Variants in PALS2 observed in about 807,000 individuals in gnomAD.
PALS2 encodes protein PALS2.
PALS2 carries 27 observed loss-of-function variants against 61.6 expected under a neutral mutation model. That is an observed-to-expected ratio of 0.44 (90% CI 0.32 to 0.60). PALS2 has a LOEUF of 0.60. Among genes scored for constraint, PALS2 ranks in the 20% least tolerant of loss-of-function variants. PALS2 has a pLI of 0.05. For synonymous variants in PALS2, 236 were observed against 218.6 expected, an observed-to-expected ratio of 1.08 and a Z score of -0.70; for missense variants, 554 against 639.4, an observed-to-expected ratio of 0.87 and a Z score of 1.44.
intron 9 of PALS2, among the ~76,000 whole-genome samples, chr7:24,677,906 A>T (rs546237135): frequency 2.0e-5 from 3 of 152,308 alleles, no homozygotes; most frequent in Admixed American, 2.0e-4. Context: ...ATTTTTGAGC[A>T]TGAGTTTGAA....
rs142198344 is a variant in PALS2, at chr7:24,576,283, TC to T, written c.-3+2692del. Among the ~76,000 whole-genome samples, 791 of 152,338 alleles carry T rather than the reference TC, an allele frequency of 5.2e-3. 7 individuals are homozygous for T. The highest frequency in any genetic ancestry group is 0.017 in the African/African-American group (722 of 41,570). On this transcript the variant is annotated intron_variant, in intron 1 of 11. Transcript: ENST00000222644. ...TGTAGGGACCAGTTTTGTTTAGTCTTCCTGTTCAGTCTCACAGAAGCTGCAA... is the reference window on the plus strand; with the variant it reads ...TGTAGGGACCAGTTTTGTTTAGTCTTCTGTTCAGTCTCACAGAAGCTGCAA...
chr7:24,652,386 C>T (rs187881924), intron 5 of PALS2, among the ~76,000 whole-genome samples: 14 of 152,142 alleles, frequency 9.2e-5, no homozygotes, highest in Non-Finnish European at 2.1e-4. Context: ...AATGCAAGGA[C>T]ATTTAGCCTT....
intron 5 of PALS2, among the ~76,000 whole-genome samples, chr7:24,661,711 TA>T (rs1320451198): frequency 1.3e-5 from 2 of 152,226 alleles, no homozygotes; most frequent in Non-Finnish European, 2.9e-5. Context: ...TGTGGACAAT[TA>T]ATTAGGGAGG....
At chr7:24,682,020 T>G (rs1198950713) in intron 11 of PALS2, among the ~76,000 whole-genome samples, 1 of 152,198 alleles carries the variant, frequency 6.6e-6, no homozygotes, top group Non-Finnish European at 1.5e-5. Context: ...TCTTCCTGCT[T>G]CTTTGCAATC....
At chr7:24,680,552 T>A in intron 11 of PALS2, 32 bp downstream of exon 11, 2 of 1,588,648 alleles carry the variant, frequency 1.3e-6, no homozygotes, top group Non-Finnish European at 1.7e-6. Flanking sequence ...CCTTCTAAAA[T>A]CTTTCCTTTT....
At chr7:24,583,051 C>T (rs1029309885) in intron 1 of PALS2, among the ~76,000 whole-genome samples, 4 of 151,558 alleles carry the variant, frequency 2.6e-5, no homozygotes, top group Non-Finnish European at 5.9e-5. Context: ...TGTGCCACCA[C>T]GCCCAGCTAA....
chr7:24,682,555 A>G (rs1787991272), intron 11 of PALS2, among the ~76,000 whole-genome samples: 1 of 152,010 alleles, frequency 6.6e-6, no homozygotes, highest in Non-Finnish European at 1.5e-5. Context: ...GGGTAATCAT[A>G]AGAGTCACTT....
At chr7:24,614,886 G>GTTAGGGCAT (rs1448350718) in intron 1 of PALS2, among the ~76,000 whole-genome samples, 2 of 151,866 alleles carry the variant, frequency 1.3e-5, no homozygotes, top group Non-Finnish European at 2.9e-5. Flanking sequence ...CCACATTTAT[G>GTTAGGGCAT]ACCATATGTT....
intron 6 of PALS2, among the ~76,000 whole-genome samples, 185 bp from the exon 7 acceptor site, chr7:24,665,403 T>G (rs999320354): frequency 7.2e-5 from 11 of 152,202 alleles, no homozygotes; most frequent in African/African-American, 2.7e-4. Flanking sequence ...GAATTTTAGG[T>G]GCCAATTGAT....
At position 24,650,515 on chromosome 7, in the gene PALS2, C is replaced by T; in HGVS notation, c.454C>T (p.Leu152=). The change falls in exon 5 of 12, where the codon CTG becomes TTG. Residue 152 remains leucine (L), a synonymous_variant. Coordinates refer to ENST00000222644, the MANE Select transcript of PALS2 (RefSeq NM_001303037.2). ...GVTFRVENND[L]VIARILHGGM... ...GACATTTAGGGTTGAAAATAATGAT[C>T]TGGTAATTGCCCGAATCCTCCATGG... The T allele has an allele frequency of 1.2e-6, 2 of 1,605,536 alleles. No individual in the cohort carries two copies. The highest frequency in any genetic ancestry group is 1.7e-6 in the Non-Finnish European group (2 of 1,177,478).
chr7:24,630,035 T>G (rs1375856728), intron 2 of PALS2, among the ~76,000 whole-genome samples: 1 of 152,214 alleles, frequency 6.6e-6, no homozygotes, highest in East Asian at 1.9e-4. Flanking sequence ...CATGTATGTT[T>G]ATTGCAGCAC....
chr7:24,636,626 G>A (rs77031215), intron 2 of PALS2, among the ~76,000 whole-genome samples: 9,634 of 152,098 alleles, frequency 0.063, 355 homozygotes, highest in African/African-American at 0.094. Context: ...GCATTGAAAC[G>A]TCACATTGTA....
chr7:24,663,370 G>A, intron 5 of PALS2: 1 of 348,126 alleles, frequency 2.9e-6, no homozygotes, highest in Non-Finnish European at 5.1e-6. Context: ...TTGATTTAAA[G>A]TTAGATATTA....
intron 1 of PALS2, among the ~76,000 whole-genome samples, chr7:24,609,859 A>G (rs1359122161): frequency 6.6e-6 from 1 of 151,976 alleles, no homozygotes; most frequent in East Asian, 1.9e-4. Context: ...CTGCCCCTCC[A>G]CTGTGCCTGC....
At chr7:24,677,889 G>T (rs1044599314) in intron 9 of PALS2, among the ~76,000 whole-genome samples, 1 of 152,144 alleles carries the variant, frequency 6.6e-6, no homozygotes, top group African/African-American at 2.4e-5. Flanking sequence ...GATCTCATTT[G>T]ACCCTTATTT....
At chr7:24,657,562 T>G (rs1786486273) in intron 5 of PALS2, among the ~76,000 whole-genome samples, 2 of 152,230 alleles carry the variant, frequency 1.3e-5, no homozygotes, top group Non-Finnish European at 2.9e-5. Context: ...GAATTGTTTT[T>G]CTTAGTTTTG....
At chr7:24,607,507 A>G (rs999868432) in intron 1 of PALS2, among the ~76,000 whole-genome samples, 8 of 151,842 alleles carry the variant, frequency 5.3e-5, no homozygotes, top group African/African-American at 1.9e-4. Context: ...ATATATGTGT[A>G]TATATATGTG....
intron 11 of PALS2, among the ~76,000 whole-genome samples, chr7:24,685,647 GTTTT>G (rs34096637): frequency 0.024 from 3,240 of 132,888 alleles, 129 homozygotes; most frequent in African/African-American, 0.085. Flanking sequence ...TGTTAACAGG[GTTTT>G]TTTTTTTTTT....
intron 1 of PALS2, among the ~76,000 whole-genome samples, chr7:24,581,976 C>T (rs777336670): frequency 6.6e-6 from 1 of 152,096 alleles, no homozygotes; most frequent in Non-Finnish European, 1.5e-5. Context: ...AAGTATGTGT[C>T]TTTTGCCAGG....
Sources: gnomAD v4.1 joint callset for allele counts (sites outside exome capture counted in the v4.1 genomes callset) on GRCh38, gnomAD v4.1.1 for gene constraint, MANE v1.5 for transcripts, NCBI Gene and HGNC (gene_info 2026-07-23, HGNC 2026-07-21) for gene names.